C10orf67: variants seen among roughly 807,000 people sequenced by gnomAD.
C10orf67 encodes chromosome 10 open reading frame 67, also known as uncharacterized protein C10orf67, mitochondrial.
Under a neutral mutation model 35.6 loss-of-function variants are expected in C10orf67, and 60 were observed. The ratio of observed to expected loss-of-function variants is 1.68; its 90% CI spans 1.37 to 2.09. The LOEUF (loss-of-function observed/expected upper bound fraction) is 2.09, where lower values mean the gene tolerates loss of function less well. C10orf67 is among the 30% of genes most tolerant of loss of function. The probability of loss-of-function intolerance (pLI) is 0.00; values close to 1 mark genes in which losing one functional copy is unlikely to be tolerated. For missense variants in C10orf67, 474 were observed against 330.2 expected (o/e 1.44, Z -3.38); for synonymous variants, 167 against 115.8 (o/e 1.44, Z -2.84).
At chr10:23,335,991 A>G (rs1383967294) in intron 1 of C10orf67, among the ~76,000 whole-genome samples, 1 of 152,128 alleles carries the variant, frequency 6.6e-6, no homozygotes, top group Non-Finnish European at 1.5e-5. Context: ...GGGTGAAGGA[A>G]TCAACATAGT....
At chr10:23,236,173 C>T (rs1337990666) in intron 13 of C10orf67, among the ~76,000 whole-genome samples, 8 of 146,694 alleles carry the variant, frequency 5.5e-5, no homozygotes, top group African/African-American at 1.8e-4. Context: ...GGTGTGAACC[C>T]GGGAGGCGGA....
At position 23,291,812 on chromosome 10, in the gene C10orf67, T is replaced by G. The variant is rs369224193; in HGVS notation, c.703-533A>C. Reference sequence around the variant, plus strand: ...TTTTCAGGCTGGGAGCCGCATGGAGTCCATCAGGCACACGGATATCCACAC... The same window carrying G: ...TTTTCAGGCTGGGAGCCGCATGGAGGCCATCAGGCACACGGATATCCACAC... On this transcript the variant is annotated intron_variant, in intron 5 of 15. Coordinates refer to ENST00000636213, the MANE Select transcript of C10orf67 (RefSeq NM_001371909.1). Among the ~76,000 whole-genome samples the G allele has an allele frequency of 3.3e-5, 5 of 151,944 alleles. No homozygotes were observed. The East Asian group carries it at 9.7e-4, about 30-fold the overall frequency.
chr10:23,207,509 T>C (rs1841191037), intron 15 of C10orf67, among the ~76,000 whole-genome samples: 2 of 152,232 alleles, frequency 1.3e-5, no homozygotes, highest in Non-Finnish European at 2.9e-5. Flanking sequence ...AGTTACCGTA[T>C]TCAGCCTTTA....
intron 1 of C10orf67, among the ~76,000 whole-genome samples, chr10:23,336,835 C>T (rs2132406539): frequency 6.6e-6 from 1 of 152,132 alleles, no homozygotes; most frequent in East Asian, 1.9e-4. Flanking sequence ...TTCTAAAAAC[C>T]ATCCTCCACT....
chr10:23,204,690 G>T (rs568344720), intron 15 of C10orf67, among the ~76,000 whole-genome samples: 1 of 152,190 alleles, frequency 6.6e-6, no homozygotes, highest in East Asian at 1.9e-4. Flanking sequence ...AATAGACGGG[G>T]CCTGTGAAAT....
intron 8 of C10orf67, among the ~76,000 whole-genome samples, chr10:23,268,193 G>T (rs778744694): frequency 6.6e-6 from 1 of 152,174 alleles, no homozygotes; most frequent in Non-Finnish European, 1.5e-5. Context: ...TACTCAGGTA[G>T]CTGAAGCAGG....
chr10:23,326,984 A>G (rs929853241), intron 2 of C10orf67, among the ~76,000 whole-genome samples: 1 of 152,154 alleles, frequency 6.6e-6, no homozygotes, highest in African/African-American at 2.4e-5. Context: ...ACTTGATAAT[A>G]ATAATAAAAA....
intron 8 of C10orf67, among the ~76,000 whole-genome samples, chr10:23,274,705 C>T (rs1305069782): frequency 1.3e-5 from 2 of 152,028 alleles, no homozygotes; most frequent in Non-Finnish European, 2.9e-5. Flanking sequence ...GTACAGTTAA[C>T]GCAATCATCA....
intron 10 of C10orf67, among the ~76,000 whole-genome samples, chr10:23,260,408 A>G (rs746117776): frequency 1.0e-5 from 1 of 97,860 alleles, no homozygotes; most frequent in Non-Finnish European, 2.3e-5. Flanking sequence ...CACCAGATAG[A>G]AACCTAGATC....
chr10:23,288,833 G>A (rs1843625995), intron 7 of C10orf67, among the ~76,000 whole-genome samples: 1 of 152,074 alleles, frequency 6.6e-6, no homozygotes, highest in South Asian at 2.1e-4. Context: ...AATAACTTGG[G>A]GATGTGAATC....
chr10:23,319,937 A>C (rs927629007), intron 4 of C10orf67, among the ~76,000 whole-genome samples: 1 of 152,142 alleles, frequency 6.6e-6, no homozygotes, highest in Non-Finnish European at 1.5e-5. Flanking sequence ...TGCAGTGGAG[A>C]GAATGACATT....
chr10:23,239,689 T>C (rs536284710), intron 13 of C10orf67, 40 bp downstream of exon 13: 412 of 617,492 alleles, frequency 6.7e-4, no homozygotes, highest in Non-Finnish European at 9.9e-4. Flanking sequence ...ACAGGTATAT[T>C]CAAAGAGACA....
At chr10:23,226,767 G>A (rs192572123) in intron 13 of C10orf67, among the ~76,000 whole-genome samples, 56 of 152,154 alleles carry the variant, frequency 3.7e-4, no homozygotes, top group African/African-American at 1.2e-3. Flanking sequence ...TATCACCACC[G>A]ATCCCACAGA....
At chr10:23,236,969 G>A (rs1230748175) in intron 13 of C10orf67, among the ~76,000 whole-genome samples, 1 of 152,168 alleles carries the variant, frequency 6.6e-6, no homozygotes, top group East Asian at 1.9e-4. Context: ...GGGGTTTGCT[G>A]TTCAGATTAC....
chr10:23,343,863 G>A, intron 1 of C10orf67: 1 of 460,582 alleles, frequency 2.2e-6, no homozygotes, highest in Non-Finnish European at 4.5e-6. Flanking sequence ...GGGCGCGAGG[G>A]CTCCGGGGCG....
chr10:23,249,186 A>G (rs1176370701), intron 12 of C10orf67, among the ~76,000 whole-genome samples: 1 of 151,280 alleles, frequency 6.6e-6, no homozygotes, highest in Non-Finnish European at 1.5e-5. Context: ...CTTGTAAATC[A>G]TCACTGAAGA....
At chr10:23,320,661 C>G in intron 4 of C10orf67, 80 bp downstream of exon 4, 1 of 1,099,462 alleles carries the variant, frequency 9.1e-7, no homozygotes, top group East Asian at 2.6e-5. Flanking sequence ...GACTGGGAAG[C>G]CAAGGTGATC....
At chr10:23,210,521 G>A (rs185089614) in intron 15 of C10orf67, among the ~76,000 whole-genome samples, 2 of 152,128 alleles carry the variant, frequency 1.3e-5, no homozygotes, top group Non-Finnish European at 2.9e-5. Context: ...CTGGGTTCAA[G>A]TGATCCTCCC....
At chr10:23,216,436 A>T (rs771824723) in intron 15 of C10orf67, among the ~76,000 whole-genome samples, 7 of 152,122 alleles carry the variant, frequency 4.6e-5, no homozygotes, top group Non-Finnish European at 8.8e-5. Context: ...ACCAATTACT[A>T]GCATATTCTG....
Sources: allele counts gnomAD v4.1 joint callset (sites outside exome capture counted in the v4.1 genomes callset), GRCh38; gene constraint gnomAD v4.1.1; transcripts MANE v1.5; gene names NCBI Gene and HGNC (gene_info 2026-07-23, HGNC 2026-07-21).